The following PSME3 variants were observed in gnomAD, a reference collection of about 807,000 sequenced individuals.
PSME3 encodes the protein proteasome activator subunit 3.
PSME3 carries 7 observed loss-of-function variants against 38.3 expected under a neutral mutation model. The ratio of observed to expected loss-of-function variants is 0.18; its 90% CI spans 0.10 to 0.34. The LOEUF is 0.34. Among genes scored for constraint, PSME3 ranks in the 10% least tolerant of loss-of-function variants. PSME3 has a pLI of 1.00. For synonymous variants in PSME3, 108 were observed against 105.7 expected (o/e 1.02, Z -0.13); for missense variants, 192 against 307.6 (o/e 0.62, Z 2.81).
In PSME3 at chr17:42,842,491, A is replaced by G. The variant is rs2055546064; in HGVS notation, c.*913A>G. 1 of 152,878 alleles carries G rather than the reference A, an allele frequency of 6.5e-6. No homozygotes were observed. The highest frequency in any genetic ancestry group is 2.1e-4 in the South Asian group (1 of 4,838). The allele number at this position is 152,878 out of a possible 1,614,324, so 9.5% of individuals were successfully genotyped here. ...CTCAGCCCTTTTTGGCATTATTGCA[A>G]GAGCTTGACTCCTGGTTGCCTTTTC... On this transcript the variant is annotated 3_prime_UTR_variant, in exon 11 of 11. Coordinates refer to ENST00000590720, the MANE Select transcript of PSME3 (RefSeq NM_005789.4).
At chr17:42,834,661 C>T in intron 3 of PSME3, 84 bp downstream of exon 3, 1 of 1,599,510 alleles carries the variant, frequency 6.3e-7, no homozygotes, top group South Asian at 1.1e-5. Flanking sequence ...GTTGATTCTT[C>T]TTCTTTTTAT....
At position 42,843,001 on chromosome 17, in the gene PSME3, G is replaced by A. The variant is rs777508168; in HGVS notation, c.*1423G>A. On this transcript the variant is annotated 3_prime_UTR_variant, in exon 11 of 11. Coordinates refer to ENST00000590720, the MANE Select transcript of PSME3 (RefSeq NM_005789.4). Reference sequence around the variant, plus strand: ...GGGAGTCAGGATGCTGTCTTCCCACGAATAGTACTCAGTAACAAACCAATT... The same window carrying A: ...GGGAGTCAGGATGCTGTCTTCCCACAAATAGTACTCAGTAACAAACCAATT... The A allele has an allele frequency of 7.9e-5, 12 of 152,634 alleles. No individual in the cohort carries two copies. The highest frequency in any genetic ancestry group is 1.3e-4 in the Non-Finnish European group (9 of 68,030). The allele number at this position is 152,634 out of a possible 1,614,324, so 9.5% of individuals were successfully genotyped here. A position where few individuals can be genotyped will look rare whatever the true frequency, so the allele number is the denominator to read the frequency against.
chr17:42,842,667 C>T lies in PSME3; in HGVS notation c.*1089C>T, dbSNP rs917957229. On this transcript the variant is annotated 3_prime_UTR_variant, in exon 11 of 11. Transcript: ENST00000590720. ...AATCATTGGTGTGTATGTGTATGTG[C>T]ATGCACACACGTGCATATACACATT... The T allele has an allele frequency of 6.5e-6, 1 of 152,784 alleles. No homozygotes were observed. Among genetic ancestry groups the T allele is most frequent in the African/African-American group, 2.4e-5 (1 of 41,420 alleles). The allele number at this position is 152,784 out of a possible 1,614,324, so 9.5% of individuals were successfully genotyped here.
At chr17:42,839,999 A>AT (rs1159739953) in intron 10 of PSME3, among the ~76,000 whole-genome samples, 4 of 148,530 alleles carry the variant, frequency 2.7e-5, no homozygotes, top group South Asian at 2.1e-4. Context: ...TCCATCTCAA[A>AT]AAAAAAATAA....
chr17:42,833,475 G>A lies in PSME3; in HGVS notation c.-157G>A. 1 of 838,174 alleles carries A rather than the reference G, an allele frequency of 1.2e-6. No individual in the cohort carries two copies. The highest frequency in any genetic ancestry group is 1.8e-6 in the Non-Finnish European group (1 of 541,740). 51.9% of individuals were successfully genotyped at this position (838,174 alleles called of 1,614,324 possible). ...GGCAGCAGGCTGCCGGCGGGCGGGCGGACGGCACAGAGGGAGGGAGCGAGC... is the reference window on the plus strand; with the variant it reads ...GGCAGCAGGCTGCCGGCGGGCGGGCAGACGGCACAGAGGGAGGGAGCGAGC... On this transcript the variant is annotated 5_prime_UTR_variant, in exon 1 of 11. Transcript: ENST00000590720.
At position 42,843,552 on chromosome 17, in the gene PSME3, G is replaced by A. The variant is rs554861204; in HGVS notation, c.*1974G>A. Reference sequence around the variant, plus strand: ...CCCGAGTGATACCCATGAACTGCCAGTAGAGGCTGCTATCGTTCCATGTGT... The same window carrying A: ...CCCGAGTGATACCCATGAACTGCCAATAGAGGCTGCTATCGTTCCATGTGT... On this transcript the variant is annotated 3_prime_UTR_variant, in exon 11 of 11. Coordinates refer to ENST00000590720, the MANE Select transcript of PSME3 (RefSeq NM_005789.4). 6.6e-6 allele frequency: 1 copy of A among 152,460 alleles called. No homozygotes were observed. The highest frequency in any genetic ancestry group is 1.5e-5 in the Non-Finnish European group (1 of 68,038). 9.4% of individuals were successfully genotyped at this position (152,460 alleles called of 1,614,324 possible).
rs1284256951 is a variant in PSME3 at position 42,842,337 on chromosome 17, A to G, written c.*759A>G. 1.3e-5 allele frequency: 2 copies of G among 152,790 alleles called. No individual in the cohort carries two copies. The highest frequency in any genetic ancestry group is 1.3e-4 in the Admixed American group (2 of 15,284). 9.5% of individuals were successfully genotyped at this position (152,790 alleles called of 1,614,324 possible). A position where few individuals can be genotyped will look rare whatever the true frequency, so the allele number is the denominator to read the frequency against. ...GGAGGTGACAGTTGTCTTAGTTGTC[A>G]TCTACCCAGACAAACGTCCTGGGCC... On this transcript the variant is annotated 3_prime_UTR_variant, in exon 11 of 11. Transcript: ENST00000590720.
intron 7 of PSME3, 71 bp from the exon 8 acceptor site, chr17:42,838,874 C>G: frequency 6.3e-7 from 1 of 1,593,370 alleles, no homozygotes; most frequent in Non-Finnish European, 8.6e-7. Context: ...ACCTTTTTTT[C>G]CTTTTTCTTT....
chr17:42,833,491 G>C lies in PSME3; in HGVS notation c.-141G>C, dbSNP rs2055422959. On this transcript the variant is annotated 5_prime_UTR_variant, in exon 1 of 11. Coordinates refer to ENST00000590720, the MANE Select transcript of PSME3 (RefSeq NM_005789.4). Reference sequence around the variant, plus strand: ...CGGGCGGGCGGACGGCACAGAGGGAGGGAGCGAGCGAGCAGTGAGTAAGCC... The same window carrying C: ...CGGGCGGGCGGACGGCACAGAGGGACGGAGCGAGCGAGCAGTGAGTAAGCC... 3 of 1,007,802 alleles carry C rather than the reference G, an allele frequency of 3.0e-6. No individual in the cohort carries two copies. In the East Asian group the frequency reaches 7.7e-5, roughly 26 times the overall value. The allele number at this position is 1,007,802 out of a possible 1,614,324, so 62.4% of individuals were successfully genotyped here. A position where few individuals can be genotyped will look rare whatever the true frequency, so the allele number is the denominator to read the frequency against.
chr17:42,837,598 G>A, intron 4 of PSME3, 51 bp from the exon 5 acceptor site: 1 of 1,553,748 alleles, frequency 6.4e-7, no homozygotes, highest in African/African-American at 1.4e-5. Context: ...ATCTTGTGAT[G>A]GAGATGTGGG....
intron 1 of PSME3, 133 bp from the exon 2 acceptor site, chr17:42,834,211 G>A (rs1262111612): frequency 3.9e-6 from 6 of 1,553,034 alleles, no homozygotes; most frequent in South Asian, 1.2e-5. Flanking sequence ...AAAAAATAAA[G>A]TATTTGCAGT....
chr17:42,834,224 G>A, intron 1 of PSME3, 120 bp from the exon 2 acceptor site: 2 of 1,578,046 alleles, frequency 1.3e-6, no homozygotes, highest in South Asian at 1.1e-5. Context: ...TTTGCAGTCT[G>A]GGGGCCTCTC....
chr17:42,834,249 G>C, intron 1 of PSME3, 95 bp from the exon 2 acceptor site: 1 of 1,601,324 alleles, frequency 6.2e-7, no homozygotes, highest in Non-Finnish European at 8.5e-7. Flanking sequence ...TCTTATTACA[G>C]TTACAAGGTG....
Position 42,843,654 on chromosome 17 carries a change from T to C in PSME3, c.*2076T>C, listed in dbSNP as rs545465402. 3.3e-5 allele frequency: 5 copies of C among 152,486 alleles called. No homozygotes were observed. Among genetic ancestry groups the C allele is most frequent in the African/African-American group, 1.2e-4 (5 of 41,578 alleles). 9.4% of individuals were successfully genotyped at this position (152,486 alleles called of 1,614,324 possible). A position where few individuals can be genotyped will look rare whatever the true frequency, so the allele number is the denominator to read the frequency against. On this transcript the variant is annotated 3_prime_UTR_variant, in exon 11 of 11. Coordinates refer to ENST00000590720, the MANE Select transcript of PSME3 (RefSeq NM_005789.4). ...ATACTAATTCTTCCTGAATAATGTC[T>C]TCAGTTTCTTGAGGAGACTCCTAGT...
intron 4 of PSME3, among the ~76,000 whole-genome samples, chr17:42,836,591 A>T (rs995192290): frequency 8.6e-5 from 13 of 151,898 alleles, no homozygotes; most frequent in African/African-American, 3.1e-4. Context: ...ACCCAGTCTC[A>T]CTCTGTCACC....
At position 42,842,281 on chromosome 17, in the gene PSME3, C is replaced by G. The variant is rs929990803; in HGVS notation, c.*703C>G. ...CTACTCCATTAGCTAACATACCCTC[C>G]CTCTCCACAACCCCTGTCACATACC... is the stretch of plus-strand genomic sequence containing the variant. On this transcript the variant is annotated 3_prime_UTR_variant, in exon 11 of 11. Coordinates refer to ENST00000590720, the MANE Select transcript of PSME3 (RefSeq NM_005789.4). The G allele has an allele frequency of 6.5e-6, 1 of 152,722 alleles. No homozygotes were observed. Among genetic ancestry groups the G allele is most frequent in the South Asian group, 2.1e-4 (1 of 4,832 alleles). The allele number at this position is 152,722 out of a possible 1,614,324, so 9.5% of individuals were successfully genotyped here.
At position 42,841,883 on chromosome 17, in the gene PSME3, CT is replaced by C; in HGVS notation, c.*306del. The C allele has an allele frequency of 4.2e-6, 1 of 238,740 alleles. No individual in the cohort carries two copies. 14.8% of individuals were successfully genotyped at this position (238,740 alleles called of 1,614,324 possible). A position where few individuals can be genotyped will look rare whatever the true frequency, so the allele number is the denominator to read the frequency against. On this transcript the variant is annotated 3_prime_UTR_variant, in exon 11 of 11. Coordinates refer to ENST00000590720, the MANE Select transcript of PSME3 (RefSeq NM_005789.4). ...AAATACCTGTGTTTTCATTCTCCCC[CT>C]CTCTCCCTCCTGTGTCTTGCGCTTT...
At position 42,843,567 on chromosome 17, in the gene PSME3, G is replaced by A. The variant is rs919565514; in HGVS notation, c.*1989G>A. The A allele has an allele frequency of 3.3e-5, 5 of 152,252 alleles. No homozygotes were observed. Among genetic ancestry groups the A allele is most frequent in the African/African-American group, 9.7e-5 (4 of 41,400 alleles). 9.4% of individuals were successfully genotyped at this position (152,252 alleles called of 1,614,324 possible). On this transcript the variant is annotated 3_prime_UTR_variant, in exon 11 of 11. Coordinates refer to ENST00000590720, the MANE Select transcript of PSME3 (RefSeq NM_005789.4). ...TGAACTGCCAGTAGAGGCTGCTATC[G>A]TTCCATGTGTAAGGAATGAACTGGT...
intron 1 of PSME3, chr17:42,834,121 G>A: frequency 6.9e-7 from 1 of 1,458,438 alleles, no homozygotes; most frequent in Non-Finnish European, 9.0e-7. Flanking sequence ...AGGAAGGGAG[G>A]GAAGGGGGAG....
Sources: allele counts gnomAD v4.1 joint callset (sites outside exome capture counted in the v4.1 genomes callset), GRCh38; gene constraint gnomAD v4.1.1; transcripts MANE v1.5; gene names NCBI Gene and HGNC (gene_info 2026-07-23, HGNC 2026-07-21).